CGNL1: variants seen among roughly 807,000 people sequenced by gnomAD.
CGNL1 encodes the protein cingulin like 1, also known as cingulin-like protein 1.
Under a neutral mutation model 141.2 loss-of-function variants are expected in CGNL1, and 132 were observed. The ratio of observed to expected loss-of-function variants is 0.93; its 90% CI spans 0.81 to 1.08. The LOEUF is 1.08. Ranked by LOEUF, CGNL1 falls within the 50% of genes least tolerant of loss-of-function variation. The probability of loss-of-function intolerance (pLI) is 0.00; values close to 1 mark genes in which losing one functional copy is unlikely to be tolerated. For synonymous variants in CGNL1, 690 were observed against 622.1 expected (o/e 1.11, Z -1.63); for missense variants, 1,870 against 1,588.6 (o/e 1.18, Z -3.01).
intron 8 of CGNL1, among the ~76,000 whole-genome samples, chr15:57,494,231 C>T (rs2152381484): frequency 6.6e-6 from 1 of 152,324 alleles, no homozygotes; most frequent in Non-Finnish European, 1.5e-5. Flanking sequence ...GTATAGCCAT[C>T]AAATGAATAT....
intron 14 of CGNL1, 144 bp downstream of exon 14, chr15:57,531,923 T>C (rs751041323): frequency 5.0e-6 from 3 of 594,118 alleles, no homozygotes; most frequent in East Asian, 2.8e-5. Context: ...GTCATCACCA[T>C]AGTGAGCTTC....
chr15:57,549,917 C>G lies in CGNL1; in HGVS notation c.*2427C>G, dbSNP rs1446900119. On this transcript the variant is annotated 3_prime_UTR_variant, in exon 19 of 19. Transcript: ENST00000281282. Reference sequence around the variant, plus strand: ...GCCTGCTGAGAGAAGCCTCAGCCCACTCATACCTAGAGACGCTGCTGGGGA... The same window carrying G: ...GCCTGCTGAGAGAAGCCTCAGCCCAGTCATACCTAGAGACGCTGCTGGGGA... 6.6e-6 allele frequency: 1 copy of G among 152,212 alleles called. No homozygotes were observed. 9.4% of individuals were successfully genotyped at this position (152,212 alleles called of 1,614,324 possible).
chr15:57,402,826 CT>C, intron 1 of CGNL1: 1 of 152,292 alleles, frequency 6.6e-6, no homozygotes, highest in Non-Finnish European at 1.5e-5. Context: ...TCATGGGGAC[CT>C]TTTGTTTTTT....
intron 8 of CGNL1, among the ~76,000 whole-genome samples, chr15:57,501,067 A>AT (rs774821092): frequency 2.3e-4 from 35 of 152,230 alleles, no homozygotes; most frequent in Non-Finnish European, 4.9e-4. Context: ...ACCTAGACAC[A>AT]TAAAAACCTC....
Position 57,439,518 on chromosome 15 carries a change from C to T in CGNL1, c.1519C>T (p.Gln507Ter). The stretch of plus-strand genomic sequence containing the variant: ...AACAGCCACCGCTACGCTGATGTTA[C>T]AGAACCGGGCAACAGCAACTTCGCC... The part of the protein sequence containing the change: ...VKTATATLML[Q>*]NRATATSPDS... The change falls in exon 2 of 19, where the codon CAG (glutamine) becomes TAG (stop). Residue 507 changes from glutamine to a stop codon, truncating the protein, a stop_gained. Transcript: ENST00000281282. LOFTEE classifies it high-confidence loss of function. 2.5e-6 allele frequency: 4 copies of T among 1,614,220 alleles called. No homozygotes were observed. The highest frequency in any genetic ancestry group is 2.2e-5 in the East Asian group (1 of 44,894).
intron 1 of CGNL1, among the ~76,000 whole-genome samples, chr15:57,413,627 T>A (rs1469386171): frequency 2.6e-5 from 4 of 152,352 alleles, no homozygotes; most frequent in African/African-American, 9.6e-5. Flanking sequence ...GCCGCTCTTT[T>A]TTCTCTTTTC....
At chr15:57,441,704 G>A (rs2063189240) in intron 3 of CGNL1, among the ~76,000 whole-genome samples, 1 of 152,046 alleles carries the variant, frequency 6.6e-6, no homozygotes, top group Non-Finnish European at 1.5e-5. Flanking sequence ...TGTATTTTTT[G>A]GCACATGATT....
At chr15:57,460,214 G>C (rs1467310027) in intron 7 of CGNL1, among the ~76,000 whole-genome samples, 1 of 152,118 alleles carries the variant, frequency 6.6e-6, no homozygotes, top group Non-Finnish European at 1.5e-5. Context: ...GGATGAAAGA[G>C]GGGTAAAGAA....
intron 1 of CGNL1, among the ~76,000 whole-genome samples, chr15:57,389,663 G>A (rs1276088035): frequency 6.6e-6 from 1 of 152,120 alleles, no homozygotes; most frequent in Non-Finnish European, 1.5e-5. Flanking sequence ...AATGATAAAT[G>A]GACTCAGATT....
chr15:57,543,444 C>G (rs543007405), intron 14 of CGNL1, among the ~76,000 whole-genome samples: 4 of 152,176 alleles, frequency 2.6e-5, no homozygotes, highest in Admixed American at 1.3e-4. Context: ...TGAGGGGACA[C>G]AGTTCAACCC....
intron 1 of CGNL1, among the ~76,000 whole-genome samples, chr15:57,400,788 C>T (rs1032395961): frequency 6.7e-6 from 1 of 148,964 alleles, no homozygotes; most frequent in Admixed American, 6.9e-5. Context: ...GAGGCTGAGG[C>T]AGGAGAATCG....
intron 9 of CGNL1, among the ~76,000 whole-genome samples, chr15:57,517,293 T>C (rs1056922134): frequency 6.6e-6 from 1 of 152,226 alleles, no homozygotes; most frequent in Non-Finnish European, 1.5e-5. Context: ...CTGAAAGGGC[T>C]GTCTTAACAC....
intron 8 of CGNL1, among the ~76,000 whole-genome samples, chr15:57,512,444 C>T (rs1305231732): frequency 6.6e-6 from 1 of 151,980 alleles, no homozygotes; most frequent in Non-Finnish European, 1.5e-5. Context: ...AACATAGGCT[C>T]ATGTTAAATT....
chr15:57,443,208 G>A (rs1435126130), intron 4 of CGNL1, among the ~76,000 whole-genome samples: 1 of 152,176 alleles, frequency 6.6e-6, no homozygotes, highest in Non-Finnish European at 1.5e-5. Context: ...ATAACTGCCT[G>A]TCTGATTGAT....
At chr15:57,447,349 G>A (rs1275860297) in intron 4 of CGNL1, among the ~76,000 whole-genome samples, 6 of 151,982 alleles carry the variant, frequency 3.9e-5, no homozygotes, top group South Asian at 4.2e-4. Flanking sequence ...AGTACTTTTC[G>A]TGGGCATTGT....
chr15:57,468,334 G>A (rs1476157607), intron 8 of CGNL1, among the ~76,000 whole-genome samples: 2 of 145,018 alleles, frequency 1.4e-5, no homozygotes, highest in Non-Finnish European at 3.0e-5. Flanking sequence ...TCCGCCTCCT[G>A]GGTTCAAGCC....
Position 57,400,594 on chromosome 15 carries a change from C to T in CGNL1, c.-16+24027C>T, listed in dbSNP as rs558751147. 2.0e-5 allele frequency among the ~76,000 whole-genome samples: 3 copies of T among 152,156 alleles called. No individual in the cohort carries two copies. In the South Asian group the frequency reaches 6.2e-4, roughly 32 times the overall value. ...TTTCTTTCTTATTGTAAAAACAATACATGTTTGTGCGGGCATGGTGGCTCA... is the reference window on the plus strand; with the variant it reads ...TTTCTTTCTTATTGTAAAAACAATATATGTTTGTGCGGGCATGGTGGCTCA... On this transcript the variant is annotated intron_variant, in intron 1 of 18. Transcript: ENST00000281282.
chr15:57,544,412 G>A (rs553477159), intron 15 of CGNL1, 61 bp from the exon 16 acceptor site: 31 of 1,592,046 alleles, frequency 1.9e-5, no homozygotes, highest in Admixed American at 1.5e-4. Context: ...CATATTCTTC[G>A]CTGCTCTGCA....
At chr15:57,482,813 TCAC>T (rs2063742020) in intron 8 of CGNL1, among the ~76,000 whole-genome samples, 1 of 152,076 alleles carries the variant, frequency 6.6e-6, no homozygotes, top group Non-Finnish European at 1.5e-5. Context: ...AGATGGAGTT[TCAC>T]TCTTGTTGCC....
Sources: allele counts gnomAD v4.1 joint callset (sites outside exome capture counted in the v4.1 genomes callset), GRCh38; gene constraint gnomAD v4.1.1; transcripts MANE v1.5; gene names NCBI Gene and HGNC (gene_info 2026-07-23, HGNC 2026-07-21).